The following NWD1 variants were observed in gnomAD, a reference collection of about 807,000 sequenced individuals.
The protein encoded by NWD1 is NACHT and WD repeat domain containing 1.
NWD1 carries 129 observed loss-of-function variants against 135.1 expected under a neutral mutation model. That is an observed-to-expected ratio of 0.96 (90% CI 0.83 to 1.11). The LOEUF is 1.11. Ranked by LOEUF, NWD1 falls within the 50% of genes least tolerant of loss-of-function variation. NWD1 has a pLI of 0.00. For missense variants in NWD1, 1,740 were observed against 1,851.3 expected (o/e 0.94, Z 1.10); for synonymous variants, 773 against 786.0 (o/e 0.98, Z 0.28).
chr19:16,726,876 C>T (rs2083472299), intron 2 of NWD1, among the ~76,000 whole-genome samples: 1 of 152,176 alleles, frequency 6.6e-6, no homozygotes, highest in African/African-American at 2.4e-5. Flanking sequence ...ATCCTCCAGT[C>T]GTGGCAACTG....
intron 7 of NWD1, among the ~76,000 whole-genome samples, chr19:16,760,084 G>T (rs954574874): frequency 6.6e-6 from 1 of 152,000 alleles, no homozygotes. Context: ...GAGCCCAGGA[G>T]TTTGAGGCCA....
At chr19:16,778,619 T>C (rs1011252017) in intron 11 of NWD1, among the ~76,000 whole-genome samples, 5 of 151,870 alleles carry the variant, frequency 3.3e-5, no homozygotes, top group Admixed American at 6.6e-5. Flanking sequence ...AGTCATTCTC[T>C]GGCCTCAGCC....
At chr19:16,767,616 A>G (rs1011332115) in intron 10 of NWD1, among the ~76,000 whole-genome samples, 11 of 152,052 alleles carry the variant, frequency 7.2e-5, no homozygotes, top group Non-Finnish European at 1.5e-4. Context: ...TGTGTCTCCA[A>G]TAAAACCCAA....
intron 11 of NWD1, among the ~76,000 whole-genome samples, chr19:16,778,503 TTTTTTG>T (rs1196030767): frequency 2.8e-5 from 4 of 141,012 alleles, no homozygotes; most frequent in Non-Finnish European, 5.9e-5. Context: ...TCTTTTTTTT[TTTTTTG>T]TTGTTGTTGT....
intron 10 of NWD1, among the ~76,000 whole-genome samples, chr19:16,771,958 C>T (rs373147117): frequency 3.3e-5 from 5 of 151,652 alleles, no homozygotes; most frequent in African/African-American, 1.2e-4. Context: ...CCACCATGCT[C>T]GGCTAATTTT....
rs528848337 is a variant in NWD1, at chr19:16,799,945, C to T, written c.3519C>T (p.Pro1173=). 29 of 1,614,082 alleles carry T rather than the reference C, an allele frequency of 1.8e-5. No individual in the cohort carries two copies. The highest frequency in any genetic ancestry group is 4.0e-5 in the African/African-American group (3 of 75,056). ...LLDILEGVGA[P]VSLLARGGAL... The stretch of plus-strand genomic sequence containing the variant: ...ACATCCTGGAAGGCGTCGGGGCCCC[C>T]GTGAGCCTGCTGGCCCGCGGCGGGG... The change falls in exon 17 of 19, where the codon CCC becomes CCT. Residue 1173 remains proline (P), a synonymous_variant. Transcript: ENST00000524140.
chr19:16,744,450 T>C lies in NWD1; in HGVS notation c.228T>C (p.Cys76=). The C allele has an allele frequency of 6.5e-7, 1 of 1,535,690 alleles. No individual in the cohort carries two copies. Among genetic ancestry groups the C allele is most frequent in the South Asian group, 1.2e-5 (1 of 84,046 alleles). The stretch of plus-strand genomic sequence containing the variant: ...TCATCGGTGATCAGTACGGCCCCTG[T>C]CTGATTCCCTCGCGGATCGATGAGA... ...VALIGDQYGP[C]LIPSRIDEKE... The change falls in exon 5 of 19, where the codon TGT becomes TGC. Residue 76 remains cysteine, a synonymous_variant. Transcript: ENST00000524140.
chr19:16,792,033 C>G (rs1019823017), intron 14 of NWD1, among the ~76,000 whole-genome samples: 1 of 152,060 alleles, frequency 6.6e-6, no homozygotes, highest in Non-Finnish European at 1.5e-5. Context: ...GCTTCTTAAT[C>G]GTAGGGATTT....
At chr19:16,772,051 C>G (rs1258782515) in intron 10 of NWD1, among the ~76,000 whole-genome samples, 1 of 152,026 alleles carries the variant, frequency 6.6e-6, no homozygotes, top group Non-Finnish European at 1.5e-5. Flanking sequence ...CAATATATCC[C>G]TCCTCTGATC....
chr19:16,774,647 T>C (rs1320328953), intron 11 of NWD1, among the ~76,000 whole-genome samples: 1 of 151,234 alleles, frequency 6.6e-6, no homozygotes, highest in Non-Finnish European at 1.5e-5. Context: ...CTTTCATCCG[T>C]CCATCCACCC....
chr19:16,779,267 C>G, intron 11 of NWD1, 76 bp from the exon 12 acceptor site: 1 of 1,529,508 alleles, frequency 6.5e-7, no homozygotes, highest in Non-Finnish European at 9.0e-7. Context: ...AAGTGGGGGG[C>G]TCATTAGAGG....
chr19:16,765,796 A>G (rs1969200793), intron 10 of NWD1, among the ~76,000 whole-genome samples: 1 of 152,066 alleles, frequency 6.6e-6, no homozygotes, highest in South Asian at 2.1e-4. Context: ...AGGCAGGCAG[A>G]TCACAAGGTC....
chr19:16,754,610 T>G (rs2122840020), intron 6 of NWD1, among the ~76,000 whole-genome samples: 1 of 147,272 alleles, frequency 6.8e-6, no homozygotes, highest in African/African-American at 2.5e-5. Context: ...TGTCTTCCTT[T>G]TATCCATCAT....
At chr19:16,725,461 G>C (rs879543569) in intron 2 of NWD1, among the ~76,000 whole-genome samples, 3 of 152,024 alleles carry the variant, frequency 2.0e-5, no homozygotes, top group Non-Finnish European at 4.4e-5. Flanking sequence ...CTGGGTGGCA[G>C]AGCAAGACTC....
intron 5 of NWD1, chr19:16,745,114 G>A (rs1968253168): frequency 2.2e-6 from 1 of 462,028 alleles, no homozygotes; most frequent in Non-Finnish European, 4.3e-6. Context: ...GAAGGCAAAG[G>A]AGAAGCAAAG....
At chr19:16,809,562 T>C (rs1229067278) in intron 18 of NWD1, among the ~76,000 whole-genome samples, 2 of 114,538 alleles carry the variant, frequency 1.7e-5, no homozygotes, top group Non-Finnish European at 3.4e-5. Flanking sequence ...TCTTTTTCTT[T>C]TTTTTTTTTT....
At chr19:16,771,396 G>C (rs1479007709) in intron 10 of NWD1, among the ~76,000 whole-genome samples, 1 of 152,130 alleles carries the variant, frequency 6.6e-6, no homozygotes, top group African/African-American at 2.4e-5. Context: ...GTTGCGGTGA[G>C]CCGAGATCAC....
chr19:16,785,836 C>T (rs1283288437), intron 12 of NWD1, among the ~76,000 whole-genome samples: 2 of 149,488 alleles, frequency 1.3e-5, no homozygotes, highest in Admixed American at 6.7e-5. Context: ...TTGCCATAAA[C>T]ATTCTTTTGT....
intron 18 of NWD1, among the ~76,000 whole-genome samples, chr19:16,810,638 C>T (rs898547078): frequency 8.6e-5 from 13 of 151,804 alleles, no homozygotes; most frequent in Non-Finnish European, 1.8e-4. Flanking sequence ...AGGTGTGTGC[C>T]TGTAGTCCCA....
Sources: gnomAD v4.1 joint callset for allele counts (sites outside exome capture counted in the v4.1 genomes callset) on GRCh38, gnomAD v4.1.1 for gene constraint, MANE v1.5 for transcripts, NCBI Gene and HGNC (gene_info 2026-07-23, HGNC 2026-07-21) for gene names.